The following MEIOB variants were observed in gnomAD, a reference collection of about 807,000 sequenced individuals.
MEIOB encodes the protein meiosis specific with OB-fold.
In MEIOB, 50 loss-of-function variants were observed where a neutral mutation model predicts 53.1. The observed-to-expected ratio is 0.94, with a 90% CI of 0.75 to 1.19. The LOEUF is 1.19. Among genes scored for constraint, MEIOB ranks in the 50% most tolerant of loss-of-function variants. The probability of loss-of-function intolerance (pLI) is 0.00; values close to 1 mark genes in which losing one functional copy is unlikely to be tolerated. For synonymous variants in MEIOB, 192 were observed against 182.5 expected (o/e 1.05, Z -0.42); for missense variants, 551 against 550.8 (o/e 1.00, Z 0.00).
At chr16:1,846,806 G>C (rs998923228) in intron 9 of MEIOB, among the ~76,000 whole-genome samples, 3 of 152,158 alleles carry the variant, frequency 2.0e-5, no homozygotes, top group South Asian at 2.1e-4. Flanking sequence ...GTTGGGGAAT[G>C]GGGGGTGAGG....
intron 3 of MEIOB, among the ~76,000 whole-genome samples, chr16:1,863,326 C>A (rs1038509169): frequency 6.6e-6 from 1 of 151,368 alleles, no homozygotes; most frequent in Non-Finnish European, 1.5e-5. Flanking sequence ...GGGCTACAGA[C>A]GCACACCACC....
intron 4 of MEIOB, among the ~76,000 whole-genome samples, 187 bp from the exon 5 acceptor site, chr16:1,860,662 C>G (rs111890017): frequency 0.011 from 1,651 of 152,242 alleles, 20 homozygotes; most frequent in African/African-American, 0.029. Context: ...AAATTGAAAT[C>G]TTTATCTCCA....
intron 2 of MEIOB, 65 bp downstream of exon 2, chr16:1,868,042 C>T: frequency 1.2e-6 from 1 of 844,716 alleles, no homozygotes. Flanking sequence ...GAATCAATAA[C>T]ATTGATGTAA....
At chr16:1,854,868 C>T (rs922233182) in intron 6 of MEIOB, among the ~76,000 whole-genome samples, 3 of 152,064 alleles carry the variant, frequency 2.0e-5, no homozygotes, top group Non-Finnish European at 4.4e-5. Context: ...AACTAGGACC[C>T]TTCTCTCCAC....
Position 1,844,964 on chromosome 16 carries a change from C to A in MEIOB, c.779-1G>T, listed in dbSNP as rs758581396. 2.2e-6 allele frequency: 3 copies of A among 1,386,194 alleles called. No individual in the cohort carries two copies. The highest frequency in any genetic ancestry group is 2.9e-5 in the African/African-American group (2 of 69,596). The allele number at this position is 1,386,194 out of a possible 1,614,324, so 85.9% of individuals were successfully genotyped here. ...AGCAGAATGTTAGCTTCTGGTATAT[C>A]TTAAATTGAAAATGCATAATAAGTA... is the stretch of plus-strand genomic sequence containing the variant. On this transcript the variant is annotated splice_acceptor_variant, in intron 9 of 13. Coordinates refer to ENST00000325962, the MANE Select transcript of MEIOB (RefSeq NM_001163560.3). LOFTEE classifies it high-confidence loss of function.
intron 3 of MEIOB, among the ~76,000 whole-genome samples, chr16:1,864,808 T>C (rs112887877): frequency 2.6e-5 from 4 of 152,290 alleles, no homozygotes; most frequent in African/African-American, 9.6e-5. Context: ...ATTTCATTTT[T>C]ATAATTTTAG....
At chr16:1,853,406 G>C (rs1899220413) in intron 7 of MEIOB, 135 bp from the exon 8 acceptor site, 1 of 659,130 alleles carries the variant, frequency 1.5e-6, no homozygotes, top group South Asian at 1.9e-5. Flanking sequence ...AGACCTCCTA[G>C]TCTTAAGCAT....
At chr16:1,862,272 A>T (rs943350885) in intron 3 of MEIOB, among the ~76,000 whole-genome samples, 156 bp from the exon 4 acceptor site, 1 of 152,202 alleles carries the variant, frequency 6.6e-6, no homozygotes, top group African/African-American at 2.4e-5. Context: ...AAAATACTCA[A>T]ATACATAGTA....
intron 9 of MEIOB, among the ~76,000 whole-genome samples, chr16:1,846,297 T>C (rs1899024939): frequency 6.6e-6 from 1 of 152,066 alleles, no homozygotes; most frequent in Non-Finnish European, 1.5e-5. Context: ...CTGGCAGGGA[T>C]GGGTGGGTAC....
intron 3 of MEIOB, among the ~76,000 whole-genome samples, chr16:1,864,689 T>C (rs1019762069): frequency 1.1e-4 from 16 of 151,968 alleles, no homozygotes; most frequent in Admixed American, 2.6e-4. Context: ...GGTTTCTACA[T>C]GTTGGTTAGG....
At chr16:1,851,076 C>A (rs1242694739) in intron 9 of MEIOB, among the ~76,000 whole-genome samples, 3 of 152,148 alleles carry the variant, frequency 2.0e-5, no homozygotes, top group Non-Finnish European at 2.9e-5. Flanking sequence ...GCAGTCAGAG[C>A]AAACCTCTCA....
At chr16:1,861,535 CTTTTTTT>C (rs59561016) in intron 4 of MEIOB, among the ~76,000 whole-genome samples, 11 of 89,126 alleles carry the variant, frequency 1.2e-4, no homozygotes, top group African/African-American at 4.1e-4. Flanking sequence ...GCATTGCAGT[CTTTTTTT>C]TTTTTTTTTT....
At chr16:1,850,010 A>T (rs945050114) in intron 9 of MEIOB, among the ~76,000 whole-genome samples, 1 of 152,236 alleles carries the variant, frequency 6.6e-6, no homozygotes, top group Non-Finnish European at 1.5e-5. Flanking sequence ...AATAAATTTT[A>T]AAAATGTGTC....
chr16:1,871,002 G>C (rs2437749), intron 1 of MEIOB, among the ~76,000 whole-genome samples: 1 of 151,990 alleles, frequency 6.6e-6, no homozygotes, highest in Non-Finnish European at 1.5e-5. Flanking sequence ...ATCTCTTGGT[G>C]GGACATGGTA....
intron 12 of MEIOB, 148 bp downstream of exon 12, chr16:1,839,107 T>G: frequency 1.2e-6 from 1 of 856,676 alleles, no homozygotes; most frequent in Non-Finnish European, 1.7e-6. Flanking sequence ...ATCAAAGCAA[T>G]GTGTGTTTAA....
chr16:1,849,771 A>G (rs1899116536), intron 9 of MEIOB, among the ~76,000 whole-genome samples: 1 of 152,162 alleles, frequency 6.6e-6, no homozygotes, highest in African/African-American at 2.4e-5. Context: ...AGAAATCTAG[A>G]TCTGCTGTAC....
At chr16:1,839,755 C>G (rs1181263318) in intron 11 of MEIOB, 3 of 266,272 alleles carry the variant, frequency 1.1e-5, no homozygotes, top group Non-Finnish European at 2.2e-5. Context: ...CAGCCTGCAG[C>G]CTTTCTCTCT....
chr16:1,858,320 T>A (rs1423262386), intron 5 of MEIOB, among the ~76,000 whole-genome samples: 1 of 152,180 alleles, frequency 6.6e-6, no homozygotes, highest in Non-Finnish European at 1.5e-5. Context: ...GGTCAGGGAC[T>A]GTGTTTTTCC....
chr16:1,839,408 T>C lies in MEIOB; in HGVS notation c.1065A>G (p.Ala355=). The C allele has an allele frequency of 6.2e-7, 1 of 1,613,394 alleles. No homozygotes were observed. The highest frequency in any genetic ancestry group is 1.1e-5 in the South Asian group (1 of 90,826). ...CSSCGYIVNE[A]SNMCTTCNKN... is the part of the protein sequence containing the mutation. ...TGTTGCAAGTTGTGCACATGTTAGA[T>C]GCTTCATTTACAATATAACCACAGC... Residue 355 remains alanine (A), a synonymous_variant, in exon 12 of 14, where the codon GCA becomes GCG. Transcript: ENST00000325962.
Sources: gnomAD v4.1 joint callset for allele counts (sites outside exome capture counted in the v4.1 genomes callset) on GRCh38, gnomAD v4.1.1 for gene constraint, MANE v1.5 for transcripts, NCBI Gene and HGNC (gene_info 2026-07-23, HGNC 2026-07-21) for gene names.